The following SIPA1L1 variants were observed in gnomAD, a reference collection of about 807,000 sequenced individuals.
SIPA1L1 encodes signal-induced proliferation-associated 1-like protein 1.
In SIPA1L1, 26 loss-of-function variants were observed where a neutral mutation model predicts 162.7. The ratio of observed to expected loss-of-function variants is 0.16; its 90% CI spans 0.12 to 0.22. The LOEUF (loss-of-function observed/expected upper bound fraction) is 0.22, where lower values mean the gene tolerates loss of function less well. Ranked by LOEUF, SIPA1L1 falls within the 10% of genes least tolerant of loss-of-function variation. The pLI is 1.00. For synonymous variants in SIPA1L1, 829 were observed against 837.4 expected (o/e 0.99, Z 0.17); for missense variants, 1,874 against 2,241.0 (o/e 0.84, Z 3.31).
intron 2 of SIPA1L1, among the ~76,000 whole-genome samples, chr14:71,325,472 G>C (rs974974980): frequency 9.9e-5 from 15 of 152,154 alleles, no homozygotes; most frequent in African/African-American, 3.4e-4. Context: ...GCAACACAGT[G>C]ATTTGGTTTG....
chr14:71,623,985 T>C, intron 6 of SIPA1L1, 63 bp from the exon 7 acceptor site: 3 of 1,411,296 alleles, frequency 2.1e-6, no homozygotes, highest in East Asian at 2.3e-5. Flanking sequence ...CTGCAGTGCA[T>C]GTACATGTGT....
chr14:71,455,527 G>A (rs946436438), intron 2 of SIPA1L1, among the ~76,000 whole-genome samples: 2 of 151,970 alleles, frequency 1.3e-5, no homozygotes, highest in Admixed American at 1.3e-4. Context: ...GATTATCTTA[G>A]GTTATGGTCT....
At chr14:71,429,558 G>T (rs1450664446) in intron 2 of SIPA1L1, among the ~76,000 whole-genome samples, 1 of 151,460 alleles carries the variant, frequency 6.6e-6, no homozygotes, top group Non-Finnish European at 1.5e-5. Context: ...GTTTCTGATA[G>T]TTCCTGATTA....
intron 2 of SIPA1L1, among the ~76,000 whole-genome samples, chr14:71,429,555 A>G (rs935283689): frequency 1.3e-5 from 2 of 151,300 alleles, no homozygotes; most frequent in Non-Finnish European, 1.5e-5. Context: ...ATTGTTTCTG[A>G]TAGTTCCTGA....
intron 4 of SIPA1L1, among the ~76,000 whole-genome samples, chr14:71,540,500 G>A (rs955144428): frequency 6.6e-6 from 1 of 152,000 alleles, no homozygotes; most frequent in African/African-American, 2.4e-5. Context: ...GGGCAATATA[G>A]CAAGACCGCA....
In SIPA1L1 at chr14:71,476,770, C is replaced by T. The variant is rs778041847; in HGVS notation, c.-464-35973C>T. ...TCAGCACACTGCAAGCTCTGCCTCG[C>T]GGGTTCACACCATTCCCCTGCCTCA... On this transcript the variant is annotated intron_variant, in intron 2 of 23. Transcript: ENST00000381232. 2.3e-4 allele frequency among the ~76,000 whole-genome samples: 35 copies of T among 151,854 alleles called. 1 individual carries two copies. Among genetic ancestry groups the T allele is most frequent in the African/African-American group, 7.7e-4 (32 of 41,378 alleles).
chr14:71,689,397 A>G (rs2081093602), intron 13 of SIPA1L1, among the ~76,000 whole-genome samples: 1 of 152,230 alleles, frequency 6.6e-6, no homozygotes, highest in Non-Finnish European at 1.5e-5. Flanking sequence ...AACAATTAAC[A>G]TTCGTTCAAC....
chr14:71,739,077 G>A lies in SIPA1L1; in HGVS notation c.5268G>A (p.Leu1756=), dbSNP rs2085585863. ...AEVQHLREDN[L]RLQEESQNAS... ...TGCAGCACCTGCGAGAGGACAACCT[G>A]AGGCTACAGGAGGAGTCCCAGAACG... is the stretch of plus-strand genomic sequence containing the variant. Residue 1756 remains leucine (L), a synonymous_variant, in exon 24 of 24, where the codon CTG becomes CTA. Coordinates refer to ENST00000381232, the MANE Select transcript of SIPA1L1 (RefSeq NM_001386936.1). 1.2e-6 allele frequency: 2 copies of A among 1,614,138 alleles called. No homozygotes were observed. The highest frequency in any genetic ancestry group is 1.1e-5 in the South Asian group (1 of 91,086).
At chr14:71,320,896 C>T (rs936805354) in intron 1 of SIPA1L1, among the ~76,000 whole-genome samples, 14 of 152,026 alleles carry the variant, frequency 9.2e-5, no homozygotes, top group Non-Finnish European at 1.8e-4. Flanking sequence ...CCACCTCCGC[C>T]TTCCCCTCCT....
At chr14:71,383,161 T>A (rs2040041548) in intron 2 of SIPA1L1, among the ~76,000 whole-genome samples, 1 of 152,250 alleles carries the variant, frequency 6.6e-6, no homozygotes, top group South Asian at 2.1e-4. Context: ...TGTGCTGTTT[T>A]AAGTGTTCTT....
At chr14:71,383,719 T>C (rs1015912390) in intron 2 of SIPA1L1, among the ~76,000 whole-genome samples, 1 of 150,310 alleles carries the variant, frequency 6.7e-6, no homozygotes, top group Non-Finnish European at 1.5e-5. Flanking sequence ...CCACACACTT[T>C]TAAACAGCCA....
intron 7 of SIPA1L1, among the ~76,000 whole-genome samples, chr14:71,631,358 A>ATAG (rs897555363): frequency 1.3e-5 from 2 of 152,146 alleles, no homozygotes; most frequent in African/African-American, 4.8e-5. Flanking sequence ...TTACTACTGC[A>ATAG]TAGTAGCATA....
At chr14:71,386,540 G>A (rs1017580992) in intron 2 of SIPA1L1, among the ~76,000 whole-genome samples, 4 of 152,168 alleles carry the variant, frequency 2.6e-5, no homozygotes, top group Non-Finnish European at 4.4e-5. Context: ...CCATCACAGC[G>A]ACTATATCTG....
At chr14:71,708,595 G>A (rs1038615541) in intron 16 of SIPA1L1, among the ~76,000 whole-genome samples, 7 of 152,158 alleles carry the variant, frequency 4.6e-5, no homozygotes, top group African/African-American at 1.7e-4. Flanking sequence ...AAAGTGCTGG[G>A]ACTATAGGTG....
At position 71,442,432 on chromosome 14, in the gene SIPA1L1, T is replaced by C. The variant is rs551687610; in HGVS notation, c.-464-70311T>C. Among the ~76,000 whole-genome samples the C allele has an allele frequency of 2.6e-5, 4 of 152,210 alleles. No homozygotes were observed. The South Asian group carries it at 8.3e-4, about 32-fold the overall frequency. On this transcript the variant is annotated intron_variant, in intron 2 of 23. Coordinates refer to ENST00000381232, the MANE Select transcript of SIPA1L1 (RefSeq NM_001386936.1). ...TAATGAGATTTTTCCCCTGGCAACT[T>C]GGAATTTATTTTTTTAAATTATAGT...
At chr14:71,676,811 C>CT (rs746265491) in intron 12 of SIPA1L1, among the ~76,000 whole-genome samples, 50 of 152,124 alleles carry the variant, frequency 3.3e-4, no homozygotes, top group South Asian at 1.7e-3. Flanking sequence ...TTAATTCATC[C>CT]TTTTTTACGG....
At chr14:71,647,370 T>C (rs2149028695) in intron 7 of SIPA1L1, among the ~76,000 whole-genome samples, 1 of 152,064 alleles carries the variant, frequency 6.6e-6, no homozygotes, top group East Asian at 1.9e-4. Flanking sequence ...TGTTTTCTTA[T>C]CTTCTTTCTG....
intron 22 of SIPA1L1, among the ~76,000 whole-genome samples, chr14:71,737,867 C>T (rs1597326341): frequency 6.6e-6 from 1 of 152,068 alleles, no homozygotes; most frequent in South Asian, 2.1e-4. Flanking sequence ...CTGTCAAAGC[C>T]CACTAGAGAG....
At chr14:71,664,401 A>G (rs570156334) in intron 10 of SIPA1L1, among the ~76,000 whole-genome samples, 25 of 152,232 alleles carry the variant, frequency 1.6e-4, no homozygotes, top group African/African-American at 6.0e-4. Flanking sequence ...ATGCTTTTTT[A>G]AAGTTTTTTT....
Sources: allele counts gnomAD v4.1 joint callset (sites outside exome capture counted in the v4.1 genomes callset), GRCh38; gene constraint gnomAD v4.1.1; transcripts MANE v1.5; gene names NCBI Gene and HGNC (gene_info 2026-07-23, HGNC 2026-07-21).